The following COP1 variants were observed in gnomAD, a reference collection of about 807,000 sequenced individuals.
COP1 encodes E3 ubiquitin-protein ligase COP1.
Under a neutral mutation model 101.3 loss-of-function variants are expected in COP1, and 24 were observed. That is an observed-to-expected ratio of 0.24 (90% confidence interval 0.17 to 0.33). The LOEUF is 0.33. COP1 is among the 10% of genes least tolerant of loss of function. The pLI is 1.00. For missense variants in COP1, 663 were observed against 906.2 expected (o/e 0.73, Z 3.45); for synonymous variants, 347 against 341.9 (o/e 1.01, Z -0.17).
rs142614895 is a variant in COP1 at position 176,175,683 on chromosome 1, T to C, written c.565+227A>G. ...GTCCATGGCCCAGGGGTCCCTGATA[T>C]ACACAATAATCTAAAAGTTTTATGA... On this transcript the variant is annotated intron_variant, in intron 3 of 19. Transcript: ENST00000367669. Among the ~76,000 whole-genome samples, 564 of 152,282 alleles carry C rather than the reference T, an allele frequency of 3.7e-3. 1 individual carries two copies. Among genetic ancestry groups the C allele is most frequent in the Middle Eastern group, 0.01 (3 of 294 alleles).
chr1:176,146,318 C>T (rs1480477997), intron 6 of COP1, among the ~76,000 whole-genome samples: 1 of 152,134 alleles, frequency 6.6e-6, no homozygotes, highest in Non-Finnish European at 1.5e-5. Flanking sequence ...TGTTAATAGG[C>T]AAGTTCTAAG....
At chr1:175,949,607 T>C (rs981727289) in intron 18 of COP1, among the ~76,000 whole-genome samples, 4 of 152,198 alleles carry the variant, frequency 2.6e-5, no homozygotes, top group Admixed American at 2.0e-4. Flanking sequence ...AAAATCTCAC[T>C]GATCAACCTA....
chr1:175,981,536 G>T (rs895401682), intron 18 of COP1, among the ~76,000 whole-genome samples: 1 of 152,072 alleles, frequency 6.6e-6, no homozygotes, highest in African/African-American at 2.4e-5. Flanking sequence ...ATGATTAGAG[G>T]CTTAAACATA....
At chr1:176,044,482 G>A (rs1671168113) in intron 12 of COP1, among the ~76,000 whole-genome samples, 1 of 152,208 alleles carries the variant, frequency 6.6e-6, no homozygotes, top group Admixed American at 6.5e-5. Flanking sequence ...GGCAGTTAAT[G>A]TAGGTAACTT....
At chr1:176,023,990 G>C (rs1442106851) in intron 15 of COP1, among the ~76,000 whole-genome samples, 1 of 152,128 alleles carries the variant, frequency 6.6e-6, no homozygotes, top group African/African-American at 2.4e-5. Flanking sequence ...GGGCATGGTA[G>C]CTCATGCCTG....
At chr1:176,008,341 T>C (rs991754529) in intron 15 of COP1, among the ~76,000 whole-genome samples, 16 of 152,224 alleles carry the variant, frequency 1.1e-4, no homozygotes, top group African/African-American at 3.9e-4. Context: ...ACCGGAGCTG[T>C]TCCTATTCGG....
At chr1:175,991,455 G>T (rs1658433499) in intron 15 of COP1, among the ~76,000 whole-genome samples, 1 of 152,150 alleles carries the variant, frequency 6.6e-6, no homozygotes, top group African/African-American at 2.4e-5. Flanking sequence ...ATTGTTTTGG[G>T]TGAGTTAGTG....
At chr1:175,973,132 A>G (rs1186397376) in intron 18 of COP1, among the ~76,000 whole-genome samples, 5 of 152,188 alleles carry the variant, frequency 3.3e-5, no homozygotes, top group Non-Finnish European at 7.3e-5. Context: ...CCATCTGGCC[A>G]AGCCTTATTT....
intron 11 of COP1, among the ~76,000 whole-genome samples, chr1:176,066,860 GT>G (rs1676076459): frequency 6.6e-6 from 1 of 152,086 alleles, no homozygotes; most frequent in African/African-American, 2.4e-5. Flanking sequence ...AGACAAGTAA[GT>G]TACATGTGAT....
At position 176,162,913 on chromosome 1, in the gene COP1, G is replaced by T. The variant is rs774336303; in HGVS notation, c.718C>A (p.Leu240Ile). ...QDNLDLANVN[L>I]MLELLVQKKK... ...TTCTGCACTAGTAACTCCAACATAA[G>T]ATTGACATTGGCCAAATCAAGGTTA... The change falls in exon 5 of 20, where the codon CTT becomes ATT. Residue 240 changes from leucine to isoleucine, a missense_variant. This residue lies in a region of COP1 where 212 missense variants were observed against 240.7 expected (regional missense o/e 0.88). Transcript: ENST00000367669. 3.7e-6 allele frequency: 6 copies of T among 1,608,674 alleles called. No homozygotes were observed. Among genetic ancestry groups the T allele is most frequent in the East Asian group, 2.2e-5 (1 of 44,670 alleles).
intron 9 of COP1, among the ~76,000 whole-genome samples, chr1:176,110,715 G>A (rs764312896): frequency 2.0e-5 from 3 of 152,160 alleles, no homozygotes; most frequent in Non-Finnish European, 4.4e-5. Flanking sequence ...CCTGCTGGTT[G>A]AATAAATGAG....
chr1:176,003,292 C>T (rs901655887), intron 15 of COP1, among the ~76,000 whole-genome samples: 8 of 152,136 alleles, frequency 5.3e-5, no homozygotes, highest in South Asian at 2.1e-4. Flanking sequence ...TTCTCCCATT[C>T]TGTAGGTTGC....
At chr1:175,990,426 T>A (rs1658119521) in intron 15 of COP1, among the ~76,000 whole-genome samples, 1 of 152,164 alleles carries the variant, frequency 6.6e-6, no homozygotes, top group Non-Finnish European at 1.5e-5. Flanking sequence ...TGGAGACTGT[T>A]ACTAACACTT....
chr1:175,993,819 T>G (rs1306419683), intron 15 of COP1, among the ~76,000 whole-genome samples: 4 of 152,178 alleles, frequency 2.6e-5, no homozygotes, highest in Non-Finnish European at 5.9e-5. Context: ...GAAAACACTC[T>G]GCAGGATATT....
chr1:176,110,686 A>C (rs562007833), intron 9 of COP1, among the ~76,000 whole-genome samples: 11 of 152,214 alleles, frequency 7.2e-5, no homozygotes, highest in Non-Finnish European at 1.3e-4. Context: ...AGATGACAAC[A>C]ACCACAAAAC....
intron 8 of COP1, among the ~76,000 whole-genome samples, chr1:176,127,819 T>C (rs1238311300): frequency 6.6e-6 from 1 of 152,120 alleles, no homozygotes; most frequent in African/African-American, 2.4e-5. Flanking sequence ...GGAACCTCCA[T>C]AATGTCTTCC....
intron 18 of COP1, among the ~76,000 whole-genome samples, chr1:175,957,492 A>G (rs1650804616): frequency 6.6e-6 from 1 of 152,200 alleles, no homozygotes; most frequent in Non-Finnish European, 1.5e-5. Context: ...TATACCATCC[A>G]GGTTTGGGAA....
intron 9 of COP1, among the ~76,000 whole-genome samples, chr1:176,090,776 T>G (rs1681132641): frequency 6.6e-6 from 1 of 152,042 alleles, no homozygotes; most frequent in Non-Finnish European, 1.5e-5. Context: ...AGAATAATAG[T>G]TTGAAATATG....
At chr1:175,945,208 A>C in intron 19 of COP1, 38 bp from the exon 20 acceptor site, 1 of 1,442,586 alleles carries the variant, frequency 6.9e-7, no homozygotes, top group Non-Finnish European at 9.6e-7. Flanking sequence ...TAATAAAATC[A>C]TTTAAGATAT....
Sources: gnomAD v4.1 joint callset for allele counts (sites outside exome capture counted in the v4.1 genomes callset) on GRCh38, gnomAD v4.1.1 for gene constraint, gnomAD v4.1.1 regional missense constraint, MANE v1.5 for transcripts, NCBI Gene and HGNC (gene_info 2026-07-23, HGNC 2026-07-21) for gene names.